Variants in CDH13 observed in about 807,000 individuals in gnomAD.
CDH13 encodes cadherin-13.
A neutral mutation model predicts 63.8 loss-of-function variants in CDH13; 24 were observed. The ratio of observed to expected loss-of-function variants is 0.38; its 90% CI spans 0.27 to 0.53. CDH13 has a LOEUF of 0.53. CDH13 is among the 20% of genes least tolerant of loss of function. The pLI, the probability that CDH13 is intolerant of heterozygous loss-of-function variation, is 0.85. For synonymous variants in CDH13, 503 were observed against 355.3 expected, an observed-to-expected ratio of 1.42 and a Z score of -4.67; for missense variants, 1,049 against 903.1, an observed-to-expected ratio of 1.16 and a Z score of -2.07.
intron 3 of CDH13, among the ~76,000 whole-genome samples, chr16:83,033,584 G>A (rs763110011): frequency 2.0e-5 from 3 of 152,054 alleles, no homozygotes; most frequent in Non-Finnish European, 2.9e-5. Flanking sequence ...ATTGCATATC[G>A]TGCTTCTCGT....
Position 83,679,861 on chromosome 16 carries a change from C to T in CDH13, c.1538+1400C>T, listed in dbSNP as rs1915263164. On this transcript the variant is annotated intron_variant, in intron 10 of 13. Transcript: ENST00000567109. ...TTAAATCAGGTTGATGTTTTGGACC[C>T]TGTGTCTCTGCCATTGCTGGGACAA... Among the ~76,000 whole-genome samples the T allele has an allele frequency of 6.6e-5, 10 of 152,150 alleles. 2 individuals are homozygous for T. The highest frequency in any genetic ancestry group is 6.5e-4 in the Admixed American group (10 of 15,272).
intron 7 of CDH13, among the ~76,000 whole-genome samples, chr16:83,509,521 T>G (rs1164041468): frequency 6.6e-6 from 1 of 152,202 alleles, no homozygotes; most frequent in Admixed American, 6.5e-5. Flanking sequence ...AAAACTTTAT[T>G]TACAAAAGCA....
chr16:82,672,511 G>C (rs899438682), intron 1 of CDH13, among the ~76,000 whole-genome samples: 1 of 151,796 alleles, frequency 6.6e-6, no homozygotes, highest in East Asian at 1.9e-4. Context: ...GAAATCACCC[G>C]GATTCGAAAC....
At chr16:83,034,595 C>A (rs945985787) in intron 3 of CDH13, among the ~76,000 whole-genome samples, 1 of 152,192 alleles carries the variant, frequency 6.6e-6, no homozygotes, top group Non-Finnish European at 1.5e-5. Context: ...TCCATAGAAA[C>A]ATGGAAATGG....
At chr16:82,638,823 TGC>T (rs1909018726) in intron 1 of CDH13, among the ~76,000 whole-genome samples, 1 of 150,790 alleles carries the variant, frequency 6.6e-6, no homozygotes, top group South Asian at 2.1e-4. Context: ...GGGCAGTGTG[TGC>T]GTGTGTGCGT....
At chr16:83,040,073 C>T (rs1286124538) in intron 3 of CDH13, among the ~76,000 whole-genome samples, 1 of 151,638 alleles carries the variant, frequency 6.6e-6, no homozygotes, top group South Asian at 2.1e-4. Flanking sequence ...GAGCTGAAGG[C>T]CCTCGCTCCC....
intron 2 of CDH13, among the ~76,000 whole-genome samples, chr16:82,973,823 T>C (rs1419588408): frequency 6.6e-6 from 1 of 152,248 alleles, no homozygotes; most frequent in Non-Finnish European, 1.5e-5. Context: ...TCATACAAAA[T>C]GCATGTTGCA....
intron 10 of CDH13, among the ~76,000 whole-genome samples, chr16:83,691,122 G>C (rs1415866627): frequency 6.8e-6 from 1 of 147,482 alleles, no homozygotes; most frequent in Non-Finnish European, 1.5e-5. Flanking sequence ...GTGTGTGTCA[G>C]AGAGAGAGAG....
chr16:83,486,424 C>T (rs780078975), intron 6 of CDH13, 53 bp from the exon 7 acceptor site: 303 of 1,524,490 alleles, frequency 2.0e-4, no homozygotes, highest in Non-Finnish European at 2.6e-4. Context: ...GGGGCTCTGG[C>T]CGTTGTTGAC....
At chr16:83,135,817 T>C (rs2036256583) in intron 4 of CDH13, among the ~76,000 whole-genome samples, 1 of 152,222 alleles carries the variant, frequency 6.6e-6, no homozygotes, top group Admixed American at 6.5e-5. Flanking sequence ...GACATATGTA[T>C]ATATGATGGA....
At chr16:83,159,103 C>T (rs555100594) in intron 4 of CDH13, among the ~76,000 whole-genome samples, 1 of 152,114 alleles carries the variant, frequency 6.6e-6, no homozygotes, top group East Asian at 1.9e-4. Context: ...TGTCTTGTAG[C>T]TTATCTATTT....
rs570841839 is a variant in CDH13 at position 83,266,322 on chromosome 16, C to A, written c.636+48825C>A. The stretch of plus-strand genomic sequence containing the variant: ...AGGTTTCACTGGATTTAAGCACTGA[C>A]ATGAGGCCAAGACCATAGCTCCTTC... On this transcript the variant is annotated intron_variant, in intron 5 of 13. Coordinates refer to ENST00000567109, the MANE Select transcript of CDH13 (RefSeq NM_001257.5). 3.9e-5 allele frequency among the ~76,000 whole-genome samples: 6 copies of A among 152,336 alleles called. No individual in the cohort carries two copies. In the East Asian group the frequency reaches 1.2e-3, roughly 29 times the overall value.
chr16:83,753,364 C>G (rs187330242), intron 11 of CDH13, among the ~76,000 whole-genome samples: 2 of 152,130 alleles, frequency 1.3e-5, no homozygotes, highest in African/African-American at 4.8e-5. Context: ...GGCAACATGG[C>G]AAAACTCCAT....
intron 1 of CDH13, among the ~76,000 whole-genome samples, chr16:82,666,377 G>T (rs1369531930): frequency 9.2e-5 from 14 of 152,176 alleles, no homozygotes. Flanking sequence ...CCTGAATCAT[G>T]GACAATGAGG....
chr16:83,632,102 T>G (rs1910827080), intron 8 of CDH13, among the ~76,000 whole-genome samples: 1 of 152,170 alleles, frequency 6.6e-6, no homozygotes, highest in Non-Finnish European at 1.5e-5. Context: ...GAAGATAGAA[T>G]GCAGGGAGGA....
At chr16:83,301,392 G>T (rs2089740903) in intron 5 of CDH13, among the ~76,000 whole-genome samples, 1 of 152,058 alleles carries the variant, frequency 6.6e-6, no homozygotes, top group African/African-American at 2.4e-5. Flanking sequence ...CTCCCTCTCT[G>T]TGATTTTCCA....
At chr16:83,397,133 C>T (rs1235685268) in intron 6 of CDH13, among the ~76,000 whole-genome samples, 2 of 152,112 alleles carry the variant, frequency 1.3e-5, no homozygotes, top group African/African-American at 4.8e-5. Context: ...CCCTCCTCGG[C>T]CGTGGGCAAC....
chr16:82,907,699 C>T (rs564289282), intron 2 of CDH13, among the ~76,000 whole-genome samples: 1 of 152,296 alleles, frequency 6.6e-6, no homozygotes, highest in South Asian at 2.1e-4. Context: ...GTTCCCGGAA[C>T]AGCCACTTTT....
intron 4 of CDH13, among the ~76,000 whole-genome samples, chr16:83,163,267 C>CA (rs1249453688): frequency 2.0e-5 from 3 of 151,866 alleles, no homozygotes; most frequent in Non-Finnish European, 4.4e-5. Context: ...ATCAGTAGTG[C>CA]AAAAAATGGA....
Sources: allele counts gnomAD v4.1 joint callset (sites outside exome capture counted in the v4.1 genomes callset), GRCh38; gene constraint gnomAD v4.1.1; transcripts MANE v1.5; gene names NCBI Gene and HGNC (gene_info 2026-07-23, HGNC 2026-07-21).